Variants in PTPRN2 observed in about 807,000 individuals in gnomAD.
PTPRN2 encodes protein tyrosine phosphatase receptor type N2, also known as receptor-type tyrosine-protein phosphatase N2.
Under a neutral mutation model 118.8 loss-of-function variants are expected in PTPRN2, and 74 were observed. The observed-to-expected ratio is 0.62, with a 90% CI of 0.52 to 0.76. The LOEUF (loss-of-function observed/expected upper bound fraction) is 0.76. PTPRN2 is among the 30% of genes least tolerant of loss of function. The probability of loss-of-function intolerance (pLI) is 0.00; values close to 1 mark genes in which losing one functional copy is unlikely to be tolerated. For synonymous variants in PTPRN2, 641 were observed against 608.0 expected, an observed-to-expected ratio of 1.05 and a Z score of -0.80; for missense variants, 1,481 against 1,394.4, an observed-to-expected ratio of 1.06 and a Z score of -0.99.
chr7:157,637,565 C>T (rs1282856589), intron 14 of PTPRN2, among the ~76,000 whole-genome samples: 1 of 152,194 alleles, frequency 6.6e-6, no homozygotes. Flanking sequence ...AGTGGTCATG[C>T]ACCCACCTCT....
At chr7:157,727,824 G>A (rs1271903908) in intron 12 of PTPRN2, among the ~76,000 whole-genome samples, 1 of 152,208 alleles carries the variant, frequency 6.6e-6, no homozygotes, top group African/African-American at 2.4e-5. Context: ...CTCTGCTGCT[G>A]GCCCTGCCTG....
chr7:157,821,859 A>G (rs1331463803), intron 12 of PTPRN2, among the ~76,000 whole-genome samples: 1 of 152,108 alleles, frequency 6.6e-6, no homozygotes, highest in Admixed American at 6.6e-5. Context: ...AGACGTGACT[A>G]AGGGGGAGGA....
chr7:157,623,432 A>C (rs1334618218), intron 14 of PTPRN2, among the ~76,000 whole-genome samples: 2 of 152,200 alleles, frequency 1.3e-5, no homozygotes, highest in African/African-American at 2.4e-5. Context: ...TCTTTTCATA[A>C]AATCCATCAC....
rs1036251435 is a variant in PTPRN2, at chr7:157,808,504, G to T, written c.1788+90169C>A. ...TGCATGTGAGGGATCCAGGTTGCAC[G>T]CTCCTTATGAAAATCTAATGCCTGA... On this transcript the variant is annotated intron_variant, in intron 12 of 22. Transcript: ENST00000389418. The surrounding 1 kb of genome is among the most constrained non-coding windows in gnomAD (Gnocchi z 5.0). 1.3e-5 allele frequency among the ~76,000 whole-genome samples: 2 copies of T among 152,230 alleles called. No homozygotes were observed. The highest frequency in any genetic ancestry group is 3.9e-4 in the East Asian group (2 of 5,180).
At chr7:157,743,788 A>C (rs928689591) in intron 12 of PTPRN2, among the ~76,000 whole-genome samples, 1 of 151,560 alleles carries the variant, frequency 6.6e-6, no homozygotes, top group African/African-American at 2.4e-5. Flanking sequence ...GGCTGGGATA[A>C]CAATCTCCAG....
In PTPRN2 at chr7:158,156,243, G is replaced by A. The variant is rs112667059; in HGVS notation, c.910+10688C>T. On this transcript the variant is annotated intron_variant, in intron 6 of 22. Transcript: ENST00000389418. ...TTTCTCTATTGAATGCAATACTGAG[G>A]CAAAGAAGAAAAAAATATATCCAAT... Among the ~76,000 whole-genome samples the A allele has an allele frequency of 1.5e-3, 235 of 152,250 alleles. 2 individuals carry two copies. Among genetic ancestry groups the A allele is most frequent in the African/African-American group, 5.4e-3 (223 of 41,540 alleles).
intron 11 of PTPRN2, among the ~76,000 whole-genome samples, chr7:157,948,039 T>A (rs1800590848): frequency 6.6e-6 from 1 of 152,242 alleles, no homozygotes; most frequent in African/African-American, 2.4e-5. Context: ...GTAGACAAGC[T>A]CTGTAAGAAA....
At chr7:157,923,703 C>G (rs888219132) in intron 11 of PTPRN2, among the ~76,000 whole-genome samples, 2 of 152,140 alleles carry the variant, frequency 1.3e-5, no homozygotes, top group East Asian at 1.9e-4. Context: ...GGAAGAAACT[C>G]TGATCCCAGA....
At position 157,763,081 on chromosome 7, in the gene PTPRN2, T is replaced by C. The variant is rs61368352; in HGVS notation, c.1789-80144A>G. The stretch of plus-strand genomic sequence containing the variant: ...ATCAGAGCCCACGGCCGCCCACTCA[T>C]GGTCACAGAGCTAACCATCAGAGCC... On this transcript the variant is annotated intron_variant, in intron 12 of 22. Transcript: ENST00000389418. The surrounding 1 kb of genome is among the most constrained non-coding windows in gnomAD (Gnocchi z 4.9). Among the ~76,000 whole-genome samples, 18,332 of 133,470 alleles carry C rather than the reference T, an allele frequency of 0.14. 1,438 individuals are homozygous for C. The highest frequency in any genetic ancestry group is 0.25 in the African/African-American group (8,656 of 34,364). The allele number at this position is 133,470 out of a possible 152,430, so 87.6% of individuals were successfully genotyped here.
intron 12 of PTPRN2, among the ~76,000 whole-genome samples, chr7:157,704,481 A>G (rs1798229442): frequency 6.6e-6 from 1 of 152,246 alleles, no homozygotes; most frequent in African/African-American, 2.4e-5. Context: ...TGAAGAGTGC[A>G]AGAGACCACG....
At chr7:157,935,910 G>T in intron 11 of PTPRN2, among the ~76,000 whole-genome samples, 1 of 150,014 alleles carries the variant, frequency 6.7e-6, no homozygotes. Flanking sequence ...GCTCCCTCAG[G>T]GGGGTCTAGC....
intron 1 of PTPRN2, among the ~76,000 whole-genome samples, chr7:158,532,105 CCA>C (rs1348205951): frequency 6.6e-6 from 1 of 152,218 alleles, no homozygotes; most frequent in Non-Finnish European, 1.5e-5. Flanking sequence ...GCGTGTCCAT[CCA>C]CAGACTTTAA....
rs1002146828 is a variant in PTPRN2, at chr7:157,603,625, G to C, written c.2418+377C>G. Among the ~76,000 whole-genome samples the C allele has an allele frequency of 5.3e-5, 8 of 152,328 alleles. No homozygotes were observed. Among genetic ancestry groups the C allele is most frequent in the African/African-American group, 1.9e-4 (8 of 41,570 alleles). ...CTGATTGTTACAAAAAGCGTAGACT[G>C]AGGCCTCATGTCCCCATGCCCCATG... On this transcript the variant is annotated intron_variant, in intron 16 of 22. Coordinates refer to ENST00000389418, the MANE Select transcript of PTPRN2 (RefSeq NM_002847.5). The surrounding 1 kb of genome is among the most constrained non-coding windows in gnomAD (Gnocchi z 5.4).
chr7:158,582,459 A>T (rs1310539976), intron 1 of PTPRN2, among the ~76,000 whole-genome samples: 1 of 152,068 alleles, frequency 6.6e-6, no homozygotes, highest in Non-Finnish European at 1.5e-5. Context: ...GTGGCTATGC[A>T]CGTAATCCCA....
chr7:157,683,310 G>C, intron 12 of PTPRN2, among the ~76,000 whole-genome samples: 1 of 152,132 alleles, frequency 6.6e-6, no homozygotes, highest in South Asian at 2.1e-4. Flanking sequence ...AATGATTGTC[G>C]GGGGTGCTGG....
At chr7:157,796,680 G>A (rs1405129172) in intron 12 of PTPRN2, among the ~76,000 whole-genome samples, 1 of 152,148 alleles carries the variant, frequency 6.6e-6, no homozygotes, top group Non-Finnish European at 1.5e-5. Flanking sequence ...AGGGAGCACG[G>A]CAGCTTCTGC....
intron 11 of PTPRN2, among the ~76,000 whole-genome samples, chr7:157,991,518 G>A (rs927153247): frequency 2.6e-5 from 4 of 152,232 alleles, no homozygotes; most frequent in African/African-American, 7.2e-5. Flanking sequence ...GGTGCTGCCC[G>A]TGCAGGGCAC....
chr7:158,447,197 C>T (rs1007299349), intron 2 of PTPRN2, among the ~76,000 whole-genome samples: 1 of 152,192 alleles, frequency 6.6e-6, no homozygotes, highest in Non-Finnish European at 1.5e-5. Context: ...TGGGCCTGGG[C>T]AGCCTCTCCT....
In PTPRN2 at chr7:158,340,923, C is replaced by T. The variant is rs1283731773; in HGVS notation, c.164-23991G>A. Among the ~76,000 whole-genome samples, 44 of 84,616 alleles carry T rather than the reference C, an allele frequency of 5.2e-4. 10 individuals are homozygous for T. The highest frequency in any genetic ancestry group is 4.3e-3 in the Admixed American group (35 of 8,058). 55.5% of individuals were successfully genotyped at this position (84,616 alleles called of 152,430 possible). ...ACCCGAAGTCAGTCACACCCACACA[C>T]GTCAATCACACTCACACTCTCACCA... On this transcript the variant is annotated intron_variant, in intron 2 of 22. Transcript: ENST00000389418.
Sources: allele counts gnomAD v4.1 joint callset (sites outside exome capture counted in the v4.1 genomes callset), GRCh38; gene constraint gnomAD v4.1.1; non-coding constraint Gnocchi (gnomAD v3.1); transcripts MANE v1.5; gene names NCBI Gene and HGNC (gene_info 2026-07-23, HGNC 2026-07-21).